The following LRMDA variants were observed in gnomAD, a reference collection of about 807,000 sequenced individuals.
The protein encoded by LRMDA is leucine-rich melanocyte differentiation-associated protein.
In LRMDA, 18 loss-of-function variants were observed where a neutral mutation model predicts 29.8. The ratio of observed to expected loss-of-function variants is 0.60; its 90% confidence interval spans 0.42 to 0.90. The LOEUF is 0.90. LRMDA is among the 40% of genes least tolerant of loss of function. The probability of loss-of-function intolerance (pLI) is 0.00; values close to 1 mark genes in which losing one functional copy is unlikely to be tolerated. For synonymous variants in LRMDA, 125 were observed against 109.4 expected, an observed-to-expected ratio of 1.14 and a Z score of -0.89; for missense variants, 273 against 273.9, an observed-to-expected ratio of 1.00 and a Z score of 0.02.
In LRMDA at chr10:76,140,989, T is replaced by C. The variant is rs574980703; in HGVS notation, c.516+82206T>C. 1.7e-4 allele frequency among the ~76,000 whole-genome samples: 26 copies of C among 152,142 alleles called. No homozygotes were observed. The South Asian group carries it at 2.5e-3, about 15-fold the overall frequency. ...ATACTCTTTTCAAAATTGCCTACAT[T>C]CCCCCATCTCCCTCTCCCCTAAGAA... On this transcript the variant is annotated intron_variant, in intron 5 of 6. Coordinates refer to ENST00000611255, the MANE Select transcript of LRMDA (RefSeq NM_001305581.2).
chr10:75,607,774 T>G (rs1840973547), intron 2 of LRMDA, among the ~76,000 whole-genome samples: 1 of 151,610 alleles, frequency 6.6e-6, no homozygotes. Context: ...CCAAGGAACT[T>G]TAAAAAATTG....
intron 2 of LRMDA, among the ~76,000 whole-genome samples, chr10:76,011,026 T>G (rs1847769608): frequency 6.6e-6 from 1 of 152,260 alleles, no homozygotes; most frequent in African/African-American, 2.4e-5. Context: ...GAGTTTGGCT[T>G]GTTTGTACTG....
At position 75,939,494 on chromosome 10, in the gene LRMDA, A is replaced by G. The variant is rs998790196; in HGVS notation, c.132-96514A>G. Among the ~76,000 whole-genome samples the G allele has an allele frequency of 2.0e-5, 3 of 152,178 alleles. No homozygotes were observed. In the East Asian group the frequency reaches 5.8e-4, roughly 29 times the overall value. ...GGGGCTGGCTTCCTGTTCATTTTTA[A>G]TGTGAAGATCTGCTAAAGGTCTGTG... is the stretch of plus-strand genomic sequence containing the variant. On this transcript the variant is annotated intron_variant, in intron 2 of 6. Transcript: ENST00000611255.
intron 4 of LRMDA, among the ~76,000 whole-genome samples, chr10:76,056,614 G>C (rs990005753): frequency 3.3e-5 from 5 of 152,240 alleles, no homozygotes; most frequent in Non-Finnish European, 7.3e-5. Flanking sequence ...GTGGCAGGGG[G>C]CTGGTGTTTC....
chr10:76,253,522 A>G (rs113793115), intron 5 of LRMDA, among the ~76,000 whole-genome samples: 1,991 of 134,820 alleles, frequency 0.015, 45 homozygotes, highest in African/African-American at 0.067. Flanking sequence ...AGAGAGGGGG[A>G]GAGAGAGAGA....
Position 76,401,587 on chromosome 10 carries a change from C to T in LRMDA, c.601+77102C>T, listed in dbSNP as rs183158469. On this transcript the variant is annotated intron_variant, in intron 6 of 6. Coordinates refer to ENST00000611255, the MANE Select transcript of LRMDA (RefSeq NM_001305581.2). ...ACATAGATTCTAACCCACTTGTTCT[C>T]CTCACCCTCCCACCATGGCAGAGGC... Among the ~76,000 whole-genome samples, 3 of 152,278 alleles carry T rather than the reference C, an allele frequency of 2.0e-5. No individual in the cohort carries two copies. The South Asian group carries it at 6.2e-4, about 32-fold the overall frequency.
chr10:76,340,537 A>AGG (rs1564728966), intron 6 of LRMDA, among the ~76,000 whole-genome samples: 5 of 146,614 alleles, frequency 3.4e-5, no homozygotes, highest in African/African-American at 1.3e-4. Flanking sequence ...AAAAAAAAAA[A>AGG]GAGAGAGAGA....
intron 6 of LRMDA, among the ~76,000 whole-genome samples, chr10:76,404,848 C>G (rs1841886465): frequency 1.3e-5 from 2 of 152,044 alleles, no homozygotes; most frequent in Non-Finnish European, 2.9e-5. Flanking sequence ...AAACAAAAAT[C>G]CTTATAAAAA....
chr10:76,383,625 T>C (rs1287389036), intron 6 of LRMDA, among the ~76,000 whole-genome samples: 2 of 149,012 alleles, frequency 1.3e-5, no homozygotes, highest in African/African-American at 5.1e-5. Context: ...AGAGACGGGG[T>C]TTCACCTTGT....
intron 2 of LRMDA, among the ~76,000 whole-genome samples, chr10:75,749,786 G>T (rs1351976405): frequency 6.6e-6 from 1 of 152,202 alleles, no homozygotes; most frequent in African/African-American, 2.4e-5. Context: ...GCCTTCCGCA[G>T]TGTTTGTGTC....
At chr10:76,426,528 A>G (rs1468599393) in intron 6 of LRMDA, among the ~76,000 whole-genome samples, 1 of 152,136 alleles carries the variant, frequency 6.6e-6, no homozygotes, top group Non-Finnish European at 1.5e-5. Context: ...GTAGATTGCA[A>G]AAATTTTCTC....
At chr10:76,258,675 T>G (rs1384940830) in intron 5 of LRMDA, among the ~76,000 whole-genome samples, 1 of 152,152 alleles carries the variant, frequency 6.6e-6, no homozygotes, top group Non-Finnish European at 1.5e-5. Flanking sequence ...GAGATCATCT[T>G]TTTTTAGCTT....
intron 6 of LRMDA, among the ~76,000 whole-genome samples, chr10:76,373,949 G>A (rs1841486133): frequency 6.6e-6 from 1 of 152,178 alleles, no homozygotes; most frequent in South Asian, 2.1e-4. Flanking sequence ...GTTTTCAATA[G>A]TGGATGGCAA....
At chr10:76,225,850 A>G (rs1314310282) in intron 5 of LRMDA, among the ~76,000 whole-genome samples, 1 of 150,046 alleles carries the variant, frequency 6.7e-6, no homozygotes, top group Non-Finnish European at 1.5e-5. Context: ...TACATTAGGT[A>G]TATCTCCTAA....
chr10:75,984,584 G>T (rs1239176986), intron 2 of LRMDA, among the ~76,000 whole-genome samples: 1 of 152,232 alleles, frequency 6.6e-6, no homozygotes, highest in African/African-American at 2.4e-5. Flanking sequence ...TACCTCTTTT[G>T]TCCGTGGCCC....
chr10:76,258,137 G>A (rs1028786969), intron 5 of LRMDA, among the ~76,000 whole-genome samples: 1 of 152,136 alleles, frequency 6.6e-6, no homozygotes, highest in Admixed American at 6.6e-5. Flanking sequence ...ACATTGCCCA[G>A]GGAAGTATGT....
intron 2 of LRMDA, among the ~76,000 whole-genome samples, chr10:75,738,673 T>A (rs1431817482): frequency 6.6e-6 from 1 of 152,142 alleles, no homozygotes; most frequent in Non-Finnish European, 1.5e-5. Flanking sequence ...TAAATCAAGT[T>A]CCATGACTCG....
chr10:75,672,714 G>C, intron 2 of LRMDA, among the ~76,000 whole-genome samples: 1 of 149,270 alleles, frequency 6.7e-6, no homozygotes, highest in Non-Finnish European at 1.5e-5. Flanking sequence ...AACTAGCTGG[G>C]ACTACAGGCA....
At chr10:76,190,627 C>T (rs1851227296) in intron 5 of LRMDA, among the ~76,000 whole-genome samples, 1 of 152,040 alleles carries the variant, frequency 6.6e-6, no homozygotes, top group South Asian at 2.1e-4. Context: ...AGTTGGGAGA[C>T]CCTAAATCTC....
Sources: gnomAD v4.1 joint callset for allele counts (sites outside exome capture counted in the v4.1 genomes callset) on GRCh38, gnomAD v4.1.1 for gene constraint, MANE v1.5 for transcripts, NCBI Gene and HGNC (gene_info 2026-07-23, HGNC 2026-07-21) for gene names.